C1QTNF3: variants seen among roughly 807,000 people sequenced by gnomAD.
C1QTNF3 encodes the protein complement C1q tumor necrosis factor-related protein 3.
C1QTNF3 carries 26 observed loss-of-function variants against 32.6 expected under a neutral mutation model. The observed-to-expected ratio is 0.80, with a 90% confidence interval of 0.58 to 1.11. The LOEUF is 1.11. C1QTNF3 is among the 50% of genes least tolerant of loss of function. The pLI is 0.00. For synonymous variants in C1QTNF3, 155 were observed against 146.0 expected, an observed-to-expected ratio of 1.06 and a Z score of -0.44; for missense variants, 362 against 398.2, an observed-to-expected ratio of 0.91 and a Z score of 0.77.
the C1QTNF3 span, among the ~76,000 whole-genome samples, chr5:34,088,237 T>C: frequency 6.6e-6 from 1 of 152,162 alleles, no homozygotes; most frequent in Admixed American, 6.5e-5. Context: ...AATGTCCCAA[T>C]TCCTGAGCAA....
the C1QTNF3 span, among the ~76,000 whole-genome samples, chr5:34,056,259 A>G: frequency 6.6e-6 from 1 of 151,792 alleles, no homozygotes. Context: ...GAACAGAGTC[A>G]ATGTGTGCAA....
chr5:34,022,573 T>C (rs572360394), intron 5 of C1QTNF3, among the ~76,000 whole-genome samples: 1 of 152,272 alleles, frequency 6.6e-6, no homozygotes, highest in African/African-American at 2.4e-5. Flanking sequence ...GTATTGTAAG[T>C]GTAGGAAGAA....
At chr5:34,116,474 A>T in the C1QTNF3 span, among the ~76,000 whole-genome samples, 1 of 148,398 alleles carries the variant, frequency 6.7e-6, no homozygotes, top group African/African-American at 2.5e-5. Flanking sequence ...CAATTCTGTC[A>T]ATATTTATCT....
At chr5:34,200,865 T>C in the C1QTNF3 span, 2 of 152,066 alleles carry the variant, frequency 1.3e-5, no homozygotes, top group Non-Finnish European at 2.9e-5. Flanking sequence ...TGCAAATCCA[T>C]TGAATAGTTC....
the C1QTNF3 span, among the ~76,000 whole-genome samples, chr5:34,082,554 C>A: frequency 1.3e-5 from 2 of 151,644 alleles, no homozygotes; most frequent in Admixed American, 6.6e-5. Flanking sequence ...AGGACAGCAT[C>A]GTCTCTGACT....
chr5:34,226,204 G>A, the C1QTNF3 span, among the ~76,000 whole-genome samples: 2 of 151,878 alleles, frequency 1.3e-5, no homozygotes, highest in African/African-American at 4.8e-5. Context: ...CTAACCAAAA[G>A]CATTGCTCCT....
chr5:34,107,947 T>G, the C1QTNF3 span, among the ~76,000 whole-genome samples: 1 of 151,868 alleles, frequency 6.6e-6, no homozygotes, highest in East Asian at 1.9e-4. Flanking sequence ...TGGTCTACAC[T>G]CCTACTAAGA....
chr5:34,070,603 T>G, the C1QTNF3 span, among the ~76,000 whole-genome samples: 1 of 152,164 alleles, frequency 6.6e-6, no homozygotes, highest in African/African-American at 2.4e-5. Context: ...TTCTATATTG[T>G]TAAATGTACC....
At chr5:34,215,273 G>C in the C1QTNF3 span, among the ~76,000 whole-genome samples, 1 of 152,078 alleles carries the variant, frequency 6.6e-6, no homozygotes, top group Non-Finnish European at 1.5e-5. Flanking sequence ...TCCTGTGTAA[G>C]CCTGGGCTAG....
the C1QTNF3 span, among the ~76,000 whole-genome samples, chr5:34,142,631 G>A: frequency 9.2e-4 from 140 of 152,158 alleles, 1 homozygote; most frequent in Non-Finnish European, 8.5e-4. Flanking sequence ...TTACTCTTAC[G>A]TGTCATTTAG....
the C1QTNF3 span, among the ~76,000 whole-genome samples, chr5:34,085,513 A>T: frequency 6.6e-6 from 1 of 151,596 alleles, no homozygotes; most frequent in East Asian, 1.9e-4. Context: ...CCATTGGTCT[A>T]TATATCTGTT....
chr5:34,213,278 T>G, the C1QTNF3 span, among the ~76,000 whole-genome samples: 11 of 152,152 alleles, frequency 7.2e-5, no homozygotes, highest in African/African-American at 2.4e-4. Context: ...TCTATGAAGT[T>G]TGCACAGTAA....
chr5:34,147,153 T>C, the C1QTNF3 span, among the ~76,000 whole-genome samples: 3 of 151,902 alleles, frequency 2.0e-5, no homozygotes, highest in African/African-American at 7.3e-5. Context: ...AAAATAATAA[T>C]AATAACAGAT....
At chr5:34,137,755 T>A in the C1QTNF3 span, among the ~76,000 whole-genome samples, 2 of 152,194 alleles carry the variant, frequency 1.3e-5, no homozygotes, top group African/African-American at 4.8e-5. Flanking sequence ...TACATTTGTA[T>A]AAACATAGTA....
At chr5:34,063,107 G>GTT in the C1QTNF3 span, among the ~76,000 whole-genome samples, 1 of 151,996 alleles carries the variant, frequency 6.6e-6, no homozygotes, top group East Asian at 1.9e-4. Flanking sequence ...GTATTGGAGT[G>GTT]TTATAGGGTC....
rs1376601501 is a variant in C1QTNF3 at position 34,035,677 on chromosome 5, G to A, written c.385C>T (p.Pro129Ser). 3 of 1,611,126 alleles carry A rather than the reference G, an allele frequency of 1.9e-6. No individual in the cohort carries two copies. Among genetic ancestry groups the A allele is most frequent in the Non-Finnish European group, 2.5e-6 (3 of 1,179,112 alleles). Residue 129 changes from proline (P) to serine (S), a missense_variant, in exon 2 of 6, where the codon CCT becomes TCT. Coordinates refer to ENST00000382065, the MANE Select transcript of C1QTNF3 (RefSeq NM_181435.6). Reference sequence around the variant, plus strand: ...ATGCCAGGAGGGCCCGGTGGCCCAGGGGGGCCTTGGTAGCCTCGAAAGCTG... The same window carrying A: ...ATGCCAGGAGGGCCCGGTGGCCCAGAGGGGCCTTGGTAGCCTCGAAAGCTG... ...DYSFRGYQGP[P>S]GPPGPPGIPG... is the part of the protein sequence containing the mutation.
the C1QTNF3 span, among the ~76,000 whole-genome samples, chr5:34,089,998 A>G: frequency 6.6e-6 from 1 of 152,210 alleles, no homozygotes; most frequent in African/African-American, 2.4e-5. Context: ...AATCATAATC[A>G]TAGCTCTATT....
chr5:34,030,863 A>G (rs924788297), intron 3 of C1QTNF3, among the ~76,000 whole-genome samples: 4 of 152,164 alleles, frequency 2.6e-5, no homozygotes, highest in African/African-American at 9.7e-5. Context: ...GTTCTCATGT[A>G]TATGTGGGAG....
chr5:34,055,939 G>A, the C1QTNF3 span, among the ~76,000 whole-genome samples: 4 of 152,288 alleles, frequency 2.6e-5, no homozygotes, highest in East Asian at 3.9e-4. Context: ...CACTCACCCC[G>A]TCAAAATCTG....
Sources: allele counts gnomAD v4.1 joint callset (sites outside exome capture counted in the v4.1 genomes callset), GRCh38; gene constraint gnomAD v4.1.1; transcripts MANE v1.5; gene names NCBI Gene and HGNC (gene_info 2026-07-23, HGNC 2026-07-21).